ZC3H18: variants seen among roughly 807,000 people sequenced by gnomAD.
The protein encoded by ZC3H18 is zinc finger CCCH-type containing 18.
ZC3H18 carries 8 observed loss-of-function variants against 106.1 expected under a neutral mutation model. That is an observed-to-expected ratio of 0.08 (90% confidence interval 0.04 to 0.14). ZC3H18 has a LOEUF of 0.14. Ranked by LOEUF, ZC3H18 falls within the 10% of genes least tolerant of loss-of-function variation. The pLI is 1.00. For synonymous variants in ZC3H18, 635 were observed against 522.1 expected (o/e 1.22, Z -2.95); for missense variants, 1,318 against 1,278.4 (o/e 1.03, Z -0.47).
At chr16:88,610,690 G>A (rs1292946366) in intron 7 of ZC3H18, among the ~76,000 whole-genome samples, 2 of 152,222 alleles carry the variant, frequency 1.3e-5, no homozygotes, top group Admixed American at 1.3e-4. Flanking sequence ...AAGAGCAGAG[G>A]AAAAGTTGGA....
chr16:88,599,946 A>G lies in ZC3H18; in HGVS notation c.1086A>G (p.Thr362=), dbSNP rs1472545584. The change falls in exon 6 of 18, where the codon ACA becomes ACG. Residue 362 remains threonine, a splice_region_variant and synonymous_variant. Coordinates refer to ENST00000301011, the MANE Select transcript of ZC3H18 (RefSeq NM_144604.4). ...NSRIPRDVRD[T]VLEPYADPYY... is the part of the protein sequence containing the mutation. Reference sequence around the variant, plus strand: ...GGATCCCGAGAGATGTCAGAGACACAGTGTAAGGAATGGCCCTGCCTGCCC... The same window carrying G: ...GGATCCCGAGAGATGTCAGAGACACGGTGTAAGGAATGGCCCTGCCTGCCC... 1.2e-6 allele frequency: 2 copies of G among 1,613,848 alleles called. No individual in the cohort carries two copies. The highest frequency in any genetic ancestry group is 4.5e-5 in the East Asian group (2 of 44,872).
In ZC3H18 at chr16:88,623,332, G is replaced by A; in HGVS notation, c.1781G>A (p.Gly594Glu). The A allele has an allele frequency of 1.2e-6, 2 of 1,613,518 alleles. No homozygotes were observed. Among genetic ancestry groups the A allele is most frequent in the East Asian group, 2.2e-5 (1 of 44,884 alleles). Residue 594 changes from glycine (G) to glutamate (E), a missense_variant, in exon 10 of 18, where the codon GGA (glycine) becomes GAA (glutamate). Around this residue, in one of 6 missense-constraint regions of ZC3H18, gnomAD observed 848 missense variants for 821.7 expected, o/e 1.03. Transcript: ENST00000301011. Reference protein sequence around the residue: ...SRSSRHSSFSGSRSRSRSFSS... With the variant: ...SRSSRHSSFSESRSRSRSFSS... Reference sequence around the variant, plus strand: ...TCTTCCAGACACAGCTCGTTCTCAGGAAGCCGGTCCAGGTATGTCCCCAGG... The same window carrying A: ...TCTTCCAGACACAGCTCGTTCTCAGAAAGCCGGTCCAGGTATGTCCCCAGG...
In ZC3H18 at chr16:88,631,081, T is replaced by C; in HGVS notation, c.2664-20T>C. 6.2e-7 allele frequency: 1 copy of C among 1,610,596 alleles called. No individual in the cohort carries two copies. The highest frequency in any genetic ancestry group is 8.5e-7 in the Non-Finnish European group (1 of 1,179,906). On this transcript the variant is annotated intron_variant, in intron 17 of 17. Coordinates refer to ENST00000301011, the MANE Select transcript of ZC3H18 (RefSeq NM_144604.4). ...AGACGTGGCTTCTGGGGGCTCAAGG[T>C]CTTCCCCACCCCCTTGTAGGAAGCG...
chr16:88,630,214 C>T (rs1208680584), intron 16 of ZC3H18: 4 of 413,212 alleles, frequency 9.7e-6, no homozygotes, highest in Non-Finnish European at 1.7e-5. Flanking sequence ...TTCTTCAAAG[C>T]TAGGAAGGAG....
At chr16:88,604,969 A>G (rs1285701285) in intron 6 of ZC3H18, among the ~76,000 whole-genome samples, 1 of 152,194 alleles carries the variant, frequency 6.6e-6, no homozygotes, top group African/African-American at 2.4e-5. Flanking sequence ...GTGCCGGTGT[A>G]TTAGAGGCGG....
rs746627098 is a variant in ZC3H18, at chr16:88,577,235, T to C, written c.112T>C (p.Leu38=). 6.2e-7 allele frequency: 1 copy of C among 1,613,480 alleles called. No homozygotes were observed. Among genetic ancestry groups the C allele is most frequent in the Non-Finnish European group, 8.5e-7 (1 of 1,179,774 alleles). The change falls in exon 2 of 18, where the codon TTG becomes CTG. Residue 38 remains leucine, a synonymous_variant. Transcript: ENST00000301011. ...ILRDSGSDQD[L]DGAGVRASDL... is the part of the protein sequence containing the mutation. ...GAGGGACAGCGGGTCCGATCAGGAT[T>C]TGGACGGGGCGGGGGTGAGGGCTTC...
intron 8 of ZC3H18, among the ~76,000 whole-genome samples, chr16:88,617,292 G>A (rs1436528348): frequency 6.6e-6 from 1 of 152,048 alleles, no homozygotes; most frequent in Non-Finnish European, 1.5e-5. Context: ...GCTCCCCCCT[G>A]GACCTGCGGC....
At chr16:88,609,474 A>T (rs950411962) in intron 7 of ZC3H18, among the ~76,000 whole-genome samples, 4 of 150,522 alleles carry the variant, frequency 2.7e-5, no homozygotes, top group East Asian at 2.0e-4. Flanking sequence ...ATTTTTTTGT[A>T]TTTTTTTTGT....
At chr16:88,628,655 G>T in intron 15 of ZC3H18, 103 bp from the exon 16 acceptor site, 1 of 1,258,666 alleles carries the variant, frequency 7.9e-7, no homozygotes, top group Non-Finnish European at 1.1e-6. Context: ...GGGACCTTTG[G>T]GAGCAGAGCA....
At chr16:88,611,129 C>T (rs1017393595) in intron 7 of ZC3H18, 139 bp from the exon 8 acceptor site, 13 of 677,568 alleles carry the variant, frequency 1.9e-5, no homozygotes, top group South Asian at 1.6e-4. Context: ...GAGCACTTGG[C>T]GTTTTGTGTG....
chr16:88,622,518 C>A, intron 9 of ZC3H18, 130 bp downstream of exon 9: 1 of 1,034,566 alleles, frequency 9.7e-7, no homozygotes. Flanking sequence ...ACCTGCAGAC[C>A]AGTCAGTGGG....
intron 11 of ZC3H18, 141 bp from the exon 12 acceptor site, chr16:88,624,461 C>T (rs1292125900): frequency 7.6e-6 from 10 of 1,321,072 alleles, no homozygotes; most frequent in South Asian, 2.7e-5. Flanking sequence ...GGTGGGGAGC[C>T]GTGTCCAGGC....
Position 88,598,334 on chromosome 16 carries a change from A to T in ZC3H18, c.837+8A>T. On this transcript the variant is annotated splice_region_variant and intron_variant, in intron 4 of 17. Coordinates refer to ENST00000301011, the MANE Select transcript of ZC3H18 (RefSeq NM_144604.4). ...ATGCCCGCCAACCCTTGGGTGCGTGATGCCTCTTCTTTCATTGTTAGCACA... is the reference window on the plus strand; with the variant it reads ...ATGCCCGCCAACCCTTGGGTGCGTGTTGCCTCTTCTTTCATTGTTAGCACA... The T allele has an allele frequency of 6.3e-7, 1 of 1,590,910 alleles. No homozygotes were observed. The highest frequency in any genetic ancestry group is 8.5e-7 in the Non-Finnish European group (1 of 1,171,696).
chr16:88,577,536 C>G lies in ZC3H18; in HGVS notation c.413C>G (p.Pro138Arg). The change falls in exon 2 of 18, where the codon CCA becomes CGA. Residue 138 changes from proline to arginine, a missense_variant. Pro to Arg is a moderately radical substitution (Grantham distance 103). This residue lies in a region of ZC3H18 where 346 missense variants were observed against 269.0 expected (regional missense o/e 1.29). Transcript: ENST00000301011. ...TACGATGAGGAGGTTCCTGAGGAGC[C>G]AGCTCCCGCCGTCCAGGAGGACGAG... ...LDYDEEVPEE[P>R]APAVQEDEAE... 1 of 1,613,310 alleles carries G rather than the reference C, an allele frequency of 6.2e-7. No individual in the cohort carries two copies. Among genetic ancestry groups the G allele is most frequent in the Non-Finnish European group, 8.5e-7 (1 of 1,179,896 alleles).
At chr16:88,623,603 G>T in intron 10 of ZC3H18, 2 of 587,980 alleles carry the variant, frequency 3.4e-6, no homozygotes, top group East Asian at 3.0e-5. Flanking sequence ...CCAGTCCTCC[G>T]CAGACAGGCC....
chr16:88,631,072 G>A (rs1906658171), intron 17 of ZC3H18, 29 bp from the exon 18 acceptor site: 3 of 1,610,066 alleles, frequency 1.9e-6, no homozygotes, highest in Non-Finnish European at 2.5e-6. Context: ...GGCTTCTGGG[G>A]GCTCAAGGTC....
chr16:88,630,829 T>C (rs1388801270), intron 17 of ZC3H18, among the ~76,000 whole-genome samples: 5 of 143,818 alleles, frequency 3.5e-5, no homozygotes, highest in African/African-American at 5.2e-5. Context: ...CGCATGCCCT[T>C]GGGCAAAAGA....
chr16:88,593,993 G>A (rs953402523), intron 3 of ZC3H18, among the ~76,000 whole-genome samples: 1 of 152,158 alleles, frequency 6.6e-6, no homozygotes, highest in African/African-American at 2.4e-5. Context: ...ATTGCAGCTC[G>A]CTGTAAGGAG....
chr16:88,587,478 C>G (rs1338254583), intron 3 of ZC3H18: 2 of 1,390,222 alleles, frequency 1.4e-6, no homozygotes, highest in Non-Finnish European at 9.8e-7. Context: ...CCATAGATGA[C>G]TGTCACTGCC....
Sources: gnomAD v4.1 joint callset for allele counts (sites outside exome capture counted in the v4.1 genomes callset) on GRCh38, gnomAD v4.1.1 for gene constraint, gnomAD v4.1.1 regional missense constraint, MANE v1.5 for transcripts, NCBI Gene and HGNC (gene_info 2026-07-23, HGNC 2026-07-21) for gene names.